The following DGKG variants were observed in gnomAD, a reference collection of about 807,000 sequenced individuals.
DGKG encodes the protein diacylglycerol kinase gamma, also known as DAG kinase gamma.
A neutral mutation model predicts 105.3 loss-of-function variants in DGKG; 78 were observed. That is an observed-to-expected ratio of 0.74 (90% CI 0.62 to 0.89). DGKG has a LOEUF of 0.89. Among genes scored for constraint, DGKG ranks in the 40% least tolerant of loss-of-function variants. The probability of loss-of-function intolerance (pLI) is 0.00; values close to 1 mark genes in which losing one functional copy is unlikely to be tolerated. For missense variants in DGKG, 958 were observed against 1,020.1 expected (o/e 0.94, Z 0.83); for synonymous variants, 346 against 367.1 (o/e 0.94, Z 0.66).
chr3:186,265,340 G>A, intron 13 of DGKG, 34 bp from the exon 14 acceptor site: 1 of 1,597,488 alleles, frequency 6.3e-7, no homozygotes, highest in South Asian at 1.1e-5. Flanking sequence ...GCATCTTTTG[G>A]AAAAAGAAGC....
chr3:186,221,773 C>T (rs1231203701), intron 20 of DGKG, among the ~76,000 whole-genome samples: 2 of 152,172 alleles, frequency 1.3e-5, no homozygotes, highest in African/African-American at 4.8e-5. Context: ...AAGGTGACTT[C>T]CTGGGTCCTG....
chr3:186,357,377 A>G (rs1249057053), intron 1 of DGKG, among the ~76,000 whole-genome samples: 1 of 152,178 alleles, frequency 6.6e-6, no homozygotes, highest in African/African-American at 2.4e-5. Context: ...ACATCACAAC[A>G]CACAGCAGTT....
At chr3:186,182,519 G>A (rs1377287612) in intron 22 of DGKG, among the ~76,000 whole-genome samples, 6 of 152,134 alleles carry the variant, frequency 3.9e-5, no homozygotes, top group Admixed American at 3.9e-4. Context: ...GAAGCTCTGG[G>A]TCTTCTGAAT....
At chr3:186,283,221 C>T (rs1436951425) in intron 7 of DGKG, among the ~76,000 whole-genome samples, 1 of 152,100 alleles carries the variant, frequency 6.6e-6, no homozygotes, top group African/African-American at 2.4e-5. Context: ...CTATTAATCA[C>T]CTATAACGTT....
At chr3:186,162,484 C>G (rs927343069) in intron 23 of DGKG, among the ~76,000 whole-genome samples, 3 of 152,232 alleles carry the variant, frequency 2.0e-5, no homozygotes, top group Admixed American at 1.3e-4. Flanking sequence ...ATACAACATA[C>G]AGCTCAGGTC....
At chr3:186,318,558 G>T (rs949336370) in intron 2 of DGKG, among the ~76,000 whole-genome samples, 2 of 152,256 alleles carry the variant, frequency 1.3e-5, no homozygotes, top group Admixed American at 6.5e-5. Context: ...GATGTAATTA[G>T]TTAAGATGAA....
At chr3:186,347,258 C>T (rs557608089) in intron 1 of DGKG, among the ~76,000 whole-genome samples, 40 of 151,928 alleles carry the variant, frequency 2.6e-4, no homozygotes, top group African/African-American at 9.7e-4. Flanking sequence ...ACCACTCTGG[C>T]TAACACGGTG....
intron 1 of DGKG, among the ~76,000 whole-genome samples, chr3:186,344,605 G>C (rs1726242635): frequency 6.6e-6 from 1 of 152,136 alleles, no homozygotes; most frequent in Non-Finnish European, 1.5e-5. Flanking sequence ...GGGAGGGTGG[G>C]AGGAAGGAGA....
intron 1 of DGKG, among the ~76,000 whole-genome samples, chr3:186,325,815 A>G (rs1340245801): frequency 5.9e-5 from 9 of 151,782 alleles, no homozygotes; most frequent in Non-Finnish European, 1.0e-4. Flanking sequence ...GCTATCTTCG[A>G]CTCTCAGATT....
At chr3:186,160,785 T>G in intron 24 of DGKG, 1 of 985,454 alleles carries the variant, frequency 1.0e-6, no homozygotes, top group Non-Finnish European at 1.2e-6. Flanking sequence ...GGACGACGAT[T>G]GCTCTTCACC....
In DGKG at chr3:186,238,354, C is replaced by T. The variant is rs1294062353; in HGVS notation, c.1826+4150G>A. On this transcript the variant is annotated intron_variant, in intron 20 of 24. Coordinates refer to ENST00000265022, the MANE Select transcript of DGKG (RefSeq NM_001346.3). The stretch of plus-strand genomic sequence containing the variant: ...CCCCAAAAAGAAAACAATCCATTTG[C>T]AAATGATGTTTGGGATATGACCATT... 2.7e-5 allele frequency among the ~76,000 whole-genome samples: 4 copies of T among 147,800 alleles called. No individual in the cohort carries two copies. In the East Asian group the frequency reaches 7.9e-4, roughly 29 times the overall value.
chr3:186,303,683 C>T (rs1724084146), intron 3 of DGKG, among the ~76,000 whole-genome samples: 2 of 152,090 alleles, frequency 1.3e-5, no homozygotes, highest in Admixed American at 1.3e-4. Context: ...AAGCCACCTG[C>T]CTCTTTTGCT....
At chr3:186,228,290 C>T (rs566952257) in intron 20 of DGKG, among the ~76,000 whole-genome samples, 1 of 152,254 alleles carries the variant, frequency 6.6e-6, no homozygotes, top group South Asian at 2.1e-4. Flanking sequence ...TCCTGATGCC[C>T]CTCTTCCTTC....
intron 7 of DGKG, among the ~76,000 whole-genome samples, chr3:186,282,970 G>A (rs1000784773): frequency 4.0e-5 from 6 of 151,104 alleles, no homozygotes; most frequent in Admixed American, 6.6e-5. Flanking sequence ...AGTAAGTGGC[G>A]TGATCTTGGC....
At chr3:186,188,448 G>A in intron 21 of DGKG, 69 bp from the exon 22 acceptor site, 2 of 1,400,870 alleles carry the variant, frequency 1.4e-6, no homozygotes, top group Non-Finnish European at 2.0e-6. Context: ...TGCTCTGTGT[G>A]TGTGCGTGCG....
In DGKG at chr3:186,161,005, T is replaced by A. The variant is rs558753521; in HGVS notation, c.2277+598A>T. On this transcript the variant is annotated intron_variant, in intron 24 of 24. Coordinates refer to ENST00000265022, the MANE Select transcript of DGKG (RefSeq NM_001346.3). The stretch of plus-strand genomic sequence containing the variant: ...ACAAACCAGGCACTGTTCTACGTTC[T>A]GGGTGACAGTGCCATAAACAAAATA... 3.0e-6 allele frequency: 3 copies of A among 985,686 alleles called. No homozygotes were observed. The African/African-American group carries it at 5.2e-5, about 17-fold the overall frequency. 61.1% of individuals were successfully genotyped at this position (985,686 alleles called of 1,614,324 possible). A position where few individuals can be genotyped will look rare whatever the true frequency, so the allele number is the denominator to read the frequency against.
intron 19 of DGKG, among the ~76,000 whole-genome samples, chr3:186,248,778 C>A (rs1347961883): frequency 2.0e-5 from 3 of 152,154 alleles, no homozygotes; most frequent in Non-Finnish European, 4.4e-5. Context: ...CTCTAGAGTT[C>A]AAATATTATG....
At chr3:186,313,949 CATT>C (rs1724681821) in intron 2 of DGKG, among the ~76,000 whole-genome samples, 1 of 152,034 alleles carries the variant, frequency 6.6e-6, no homozygotes, top group Non-Finnish European at 1.5e-5. Context: ...GTTTTAGTGA[CATT>C]TACTTAGAGC....
At chr3:186,222,618 G>A (rs1157073854) in intron 20 of DGKG, among the ~76,000 whole-genome samples, 3 of 152,072 alleles carry the variant, frequency 2.0e-5, no homozygotes, top group Admixed American at 1.3e-4. Flanking sequence ...TGAGGCGGGC[G>A]GATCACTTGA....
Sources: gnomAD v4.1 joint callset for allele counts (sites outside exome capture counted in the v4.1 genomes callset) on GRCh38, gnomAD v4.1.1 for gene constraint, MANE v1.5 for transcripts, NCBI Gene and HGNC (gene_info 2026-07-23, HGNC 2026-07-21) for gene names.